C5: variants seen among roughly 807,000 people sequenced by gnomAD.
The protein encoded by C5 is complement C5.
In C5, 140 loss-of-function variants were observed where a neutral mutation model predicts 218.8. The observed-to-expected ratio is 0.64, with a 90% CI of 0.56 to 0.74. The LOEUF (loss-of-function observed/expected upper bound fraction) is 0.74, where lower values mean the gene tolerates loss of function less well. Ranked by LOEUF, C5 falls within the 30% of genes least tolerant of loss-of-function variation. C5 has a pLI of 0.00. For missense variants in C5, 1,700 were observed against 1,969.6 expected (o/e 0.86, Z 2.59); for synonymous variants, 614 against 682.3 (o/e 0.90, Z 1.56).
At chr9:121,049,239 A>G (rs983840490) in intron 1 of C5, among the ~76,000 whole-genome samples, 3 of 152,214 alleles carry the variant, frequency 2.0e-5, no homozygotes, top group African/African-American at 4.8e-5. Flanking sequence ...AGAATTCAGA[A>G]TAAGTCTGGA....
intron 26 of C5, 29 bp downstream of exon 26, chr9:120,982,625 AT>A: frequency 6.6e-7 from 1 of 1,522,982 alleles, no homozygotes; most frequent in Non-Finnish European, 9.1e-7. Flanking sequence ...AAATAAAACT[AT>A]TGCTAATTTG....
chr9:121,052,320 G>A (rs979417659), upstream of C5, among the ~76,000 whole-genome samples: 1 of 151,924 alleles, frequency 6.6e-6, no homozygotes, highest in Admixed American at 6.6e-5. Context: ...AGCCAGGCGT[G>A]GTGGCGGGTG....
chr9:121,002,817 T>C (rs1172748816), intron 20 of C5, among the ~76,000 whole-genome samples: 1 of 152,160 alleles, frequency 6.6e-6, no homozygotes, highest in Non-Finnish European at 1.5e-5. Context: ...TTACAGCTTC[T>C]TAATCAAGGT....
chr9:121,031,931 G>C (rs186139786), intron 6 of C5, among the ~76,000 whole-genome samples, 182 bp downstream of exon 6: 1 of 152,162 alleles, frequency 6.6e-6, no homozygotes, highest in Non-Finnish European at 1.5e-5. Flanking sequence ...GGCTATGGTG[G>C]TTGGTGCCTG....
rs200970523 is a variant in C5, at chr9:121,027,173, A to G, written c.860T>C (p.Met287Thr). 1.3e-6 allele frequency: 2 copies of G among 1,567,370 alleles called. No individual in the cohort carries two copies. The highest frequency in any genetic ancestry group is 2.2e-5 in the East Asian group (1 of 44,652). The stretch of plus-strand genomic sequence containing the variant: ...TTAACATCTTACCATTGTGTTTTGC[A>G]TTGCTGTTTGCATCATTTCTTTTTG... ...DDQKEMMQTA[M>T]QNTMLINGIA... Residue 287 changes from methionine (M) to threonine (T), a missense_variant, in exon 8 of 41, where the codon ATG (methionine) becomes ACG (threonine). Met to Thr is a moderately conservative substitution (Grantham distance 81). Transcript: ENST00000223642.
In C5 at chr9:120,953,819, T is replaced by C. The variant is rs535490119; in HGVS notation, c.4812A>G (p.Val1604=). 6.2e-7 allele frequency: 1 copy of C among 1,613,982 alleles called. No homozygotes were observed. Among genetic ancestry groups the C allele is most frequent in the South Asian group, 1.1e-5 (1 of 91,074 alleles). The change falls in exon 40 of 41, where the codon GTA becomes GTG. Residue 1604 remains valine, a synonymous_variant. Transcript: ENST00000223642. ...KDSEITFIKK[V]TCTNAELVKG... is the part of the protein sequence containing the mutation. ...TTACCAGCTCAGCGTTAGTACAGGT[T>C]ACCTTTTTAATGAAGGTAATCTCAG...
intron 32 of C5, 48 bp from the exon 33 acceptor site, chr9:120,969,166 G>C (rs375161686): frequency 2.0e-6 from 3 of 1,466,054 alleles, no homozygotes; most frequent in Non-Finnish European, 2.9e-6. Flanking sequence ...AGAGTAAACT[G>C]TTTTCAGCTG....
chr9:120,975,012 G>T, intron 29 of C5, 81 bp from the exon 30 acceptor site: 22 of 1,489,344 alleles, frequency 1.5e-5, no homozygotes, highest in Non-Finnish European at 2.1e-5. Flanking sequence ...TTTATGAGAG[G>T]GTAGGGCAGC....
intron 29 of C5, among the ~76,000 whole-genome samples, chr9:120,975,162 C>T (rs1463740117): frequency 6.6e-6 from 1 of 152,096 alleles, no homozygotes; most frequent in Non-Finnish European, 1.5e-5. Flanking sequence ...AGATCTGGGT[C>T]CTCTATATAT....
chr9:120,976,317 G>T (rs12000953), intron 29 of C5, among the ~76,000 whole-genome samples: 1 of 152,040 alleles, frequency 6.6e-6, no homozygotes, highest in Non-Finnish European at 1.5e-5. Context: ...TATTTATTTC[G>T]TTGTGGAGAA....
intron 28 of C5, 99 bp from the exon 29 acceptor site, chr9:120,977,004 T>G: frequency 9.6e-7 from 1 of 1,041,598 alleles, no homozygotes; most frequent in Non-Finnish European, 1.5e-6. Flanking sequence ...TTCTAGAAGC[T>G]ACTTACTTTT....
intron 1 of C5, among the ~76,000 whole-genome samples, chr9:121,047,163 T>A (rs750857851): frequency 6.6e-6 from 1 of 152,202 alleles, no homozygotes; most frequent in Non-Finnish European, 1.5e-5. Context: ...AATAAGCCAA[T>A]GATGCTGGTA....
intron 1 of C5, among the ~76,000 whole-genome samples, chr9:121,049,565 C>T (rs1176833889): frequency 3.3e-5 from 5 of 152,196 alleles, no homozygotes; most frequent in Admixed American, 3.3e-4. Context: ...GAACTGTGAC[C>T]TTTGGTCAGT....
In C5 at chr9:121,013,317, T is replaced by TG. The variant is rs1416989009; in HGVS notation, c.2257+555dup. Reference sequence around the variant, plus strand: ...CTGGGTGACAGAGCCAGATTCCTACTGAAAAAAAAAAAAAAAAAGACTATA... The same window carrying TG: ...CTGGGTGACAGAGCCAGATTCCTACTGGAAAAAAAAAAAAAAAAAGACTATA... On this transcript the variant is annotated intron_variant, in intron 17 of 40. Transcript: ENST00000223642. Among the ~76,000 whole-genome samples, 7 of 89,316 alleles carry TG rather than the reference T, an allele frequency of 7.8e-5. No individual in the cohort carries two copies. The East Asian group carries it at 1.4e-3, about 17-fold the overall frequency. The allele number at this position is 89,316 out of a possible 152,430, so 58.6% of individuals were successfully genotyped here. A position where few individuals can be genotyped will look rare whatever the true frequency, so the allele number is the denominator to read the frequency against.
chr9:121,070,423 A>G, the C5 span, among the ~76,000 whole-genome samples: 66 of 115,066 alleles, frequency 5.7e-4, no homozygotes, highest in South Asian at 7.8e-3. Flanking sequence ...ATATATATAT[A>G]TATGTATGTA....
chr9:121,052,131 T>A (rs1363248755), upstream of C5, among the ~76,000 whole-genome samples: 1 of 152,138 alleles, frequency 6.6e-6, no homozygotes, highest in African/African-American at 2.4e-5. Context: ...TTAGTCAAAA[T>A]TTTTTATCTA....
chr9:121,041,009 C>T (rs12686386), intron 3 of C5, among the ~76,000 whole-genome samples: 26,463 of 145,640 alleles, frequency 0.18, 2,493 homozygotes, highest in African/African-American at 0.22. Context: ...AGTGCAGTGG[C>T]GCGATCTCAC....
intron 26 of C5, 106 bp from the exon 27 acceptor site, chr9:120,982,045 TCTGTCACCCAAG>T: frequency 1.3e-6 from 1 of 777,660 alleles, no homozygotes; most frequent in Admixed American, 2.0e-5. Context: ...GGAGTCTCAC[TCTGTCACCCAAG>T]CTGGAGTGCA....
chr9:121,020,400 G>A lies in C5; in HGVS notation c.1303-221C>T, dbSNP rs572907688. Among the ~76,000 whole-genome samples, 5 of 152,250 alleles carry A rather than the reference G, an allele frequency of 3.3e-5. No homozygotes were observed. In the South Asian group the frequency reaches 6.2e-4, roughly 19 times the overall value. On this transcript the variant is annotated intron_variant, in intron 11 of 40. Coordinates refer to ENST00000223642, the MANE Select transcript of C5 (RefSeq NM_001735.3). ...GAATGATGGGATTATGGGCTATGGCGGAAAAGTCTGAAATGAAGAGAGAAA... is the reference window on the plus strand; with the variant it reads ...GAATGATGGGATTATGGGCTATGGCAGAAAAGTCTGAAATGAAGAGAGAAA...
Sources: gnomAD v4.1 joint callset for allele counts (sites outside exome capture counted in the v4.1 genomes callset) on GRCh38, gnomAD v4.1.1 for gene constraint, MANE v1.5 for transcripts, NCBI Gene and HGNC (gene_info 2026-07-23, HGNC 2026-07-21) for gene names.